SOAT1: variants seen among roughly 807,000 people sequenced by gnomAD.
The protein encoded by SOAT1 is acyl-coenzyme A:cholesterol acyltransferase 1.
In SOAT1, 55 loss-of-function variants were observed where a neutral mutation model predicts 69.5. The ratio of observed to expected loss-of-function variants is 0.79; its 90% confidence interval spans 0.64 to 0.99. The LOEUF is 0.99. Ranked by LOEUF, SOAT1 falls within the 50% of genes least tolerant of loss-of-function variation. The pLI is 0.00. For missense variants in SOAT1, 580 were observed against 669.3 expected, an observed-to-expected ratio of 0.87 and a Z score of 1.47; for synonymous variants, 231 against 224.7, an observed-to-expected ratio of 1.03 and a Z score of -0.25.
chr1:179,347,364 GA>G lies in SOAT1; in HGVS notation c.1118-225del, dbSNP rs57499931. 4.3e-3 allele frequency among the ~76,000 whole-genome samples: 607 copies of G among 140,196 alleles called. 12 individuals carry two copies. Among genetic ancestry groups the G allele is most frequent in the African/African-American group, 0.015 (566 of 37,856 alleles). 92.0% of individuals were successfully genotyped at this position (140,196 alleles called of 152,430 possible). A position where few individuals can be genotyped will look rare whatever the true frequency, so the allele number is the denominator to read the frequency against. On this transcript the variant is annotated intron_variant, in intron 11 of 15. Coordinates refer to ENST00000367619, the MANE Select transcript of SOAT1 (RefSeq NM_003101.6). ...CAGAGCAGGACTCTGTCTCAAAAAA[GA>G]AAAAAAAAAACCAGACTGGGTAATG...
chr1:179,300,391 A>C (rs1664795743), intron 1 of SOAT1, among the ~76,000 whole-genome samples: 1 of 152,172 alleles, frequency 6.6e-6, no homozygotes, highest in Non-Finnish European at 1.5e-5. Context: ...GACCATTGTA[A>C]GTTGGGCATC....
intron 2 of SOAT1, among the ~76,000 whole-genome samples, chr1:179,319,964 A>T (rs10913719): frequency 0.013 from 1,966 of 152,102 alleles, 58 homozygotes; most frequent in African/African-American, 0.044. Context: ...TGTATTCTGG[A>T]TACAAGTCCC....
chr1:179,323,867 C>T (rs1665691009), intron 3 of SOAT1, among the ~76,000 whole-genome samples: 1 of 151,980 alleles, frequency 6.6e-6, no homozygotes. Flanking sequence ...AGTAGATTCC[C>T]TGTCAAGGAA....
rs1434561318 is a variant in SOAT1, at chr1:179,295,295, C to G, written c.-9+1359C>G. 2.0e-5 allele frequency among the ~76,000 whole-genome samples: 3 copies of G among 152,164 alleles called. 1 individual carries two copies. The highest frequency in any genetic ancestry group is 4.4e-5 in the Non-Finnish European group (3 of 68,038). On this transcript the variant is annotated intron_variant, in intron 1 of 15. Coordinates refer to ENST00000367619, the MANE Select transcript of SOAT1 (RefSeq NM_003101.6). ...TCCTCCACCTCTAATGCTGTATTCT[C>G]TCCCTCCCTCCAACTCTTATACCTG...
At chr1:179,344,335 A>C (rs1666444761) in intron 10 of SOAT1, among the ~76,000 whole-genome samples, 1 of 134,548 alleles carries the variant, frequency 7.4e-6, no homozygotes, top group Non-Finnish European at 1.6e-5. Flanking sequence ...TTTATGAAGT[A>C]AGTTCTTTCA....
intron 2 of SOAT1, among the ~76,000 whole-genome samples, chr1:179,323,017 T>C (rs1447641308): frequency 6.6e-6 from 1 of 151,374 alleles, no homozygotes; most frequent in African/African-American, 2.4e-5. Flanking sequence ...CCCCTAGGAT[T>C]CTAGTTTCAT....
chr1:179,347,039 G>A (rs1032226269), intron 11 of SOAT1, among the ~76,000 whole-genome samples: 2 of 152,052 alleles, frequency 1.3e-5, no homozygotes, highest in Non-Finnish European at 1.5e-5. Flanking sequence ...ACTAAGTTAA[G>A]CCATATATTT....
intron 1 of SOAT1, among the ~76,000 whole-genome samples, chr1:179,301,902 C>G (rs1664841928): frequency 6.6e-6 from 1 of 152,088 alleles, no homozygotes; most frequent in South Asian, 2.1e-4. Flanking sequence ...TTCTGTGAAA[C>G]CTTTACATCT....
At chr1:179,351,027 T>C (rs1348691934) in intron 14 of SOAT1, among the ~76,000 whole-genome samples, 3 of 2,330 alleles carry the variant, frequency 1.3e-3, no homozygotes, top group African/African-American at 1.5e-3. Flanking sequence ...CTTTCTTTTT[T>C]TTTTTTTTTT....
chr1:179,326,926 A>G (rs986838586), intron 3 of SOAT1, among the ~76,000 whole-genome samples: 3 of 152,208 alleles, frequency 2.0e-5, no homozygotes, highest in Admixed American at 1.3e-4. Flanking sequence ...AGGATGGCAT[A>G]TAGAGTTTAG....
chr1:179,333,817 G>A (rs1666054939), intron 3 of SOAT1, among the ~76,000 whole-genome samples: 2 of 145,276 alleles, frequency 1.4e-5, no homozygotes, highest in African/African-American at 5.0e-5. Context: ...TGGGCAATAA[G>A]AGTGAAACTC....
chr1:179,309,285 T>A (rs1484726038), intron 2 of SOAT1, among the ~76,000 whole-genome samples: 1 of 152,188 alleles, frequency 6.6e-6, no homozygotes, highest in Non-Finnish European at 1.5e-5. Flanking sequence ...GGTTTCACCA[T>A]GTTGGTCAGG....
At chr1:179,299,743 A>ATTTTT (rs1558034403) in intron 1 of SOAT1, among the ~76,000 whole-genome samples, 17 of 64,734 alleles carry the variant, frequency 2.6e-4, no homozygotes, top group Non-Finnish European at 4.0e-4. Flanking sequence ...TCATTTTGCT[A>ATTTTT]TCTTTTTTTT....
At chr1:179,307,607 CA>C (rs11445535) in intron 2 of SOAT1, among the ~76,000 whole-genome samples, 3 of 150,038 alleles carry the variant, frequency 2.0e-5, no homozygotes, top group Admixed American at 6.7e-5. Context: ...TTGCAGACTT[CA>C]AAAAAAAATA....
chr1:179,313,123 C>T (rs1571414602), intron 2 of SOAT1, among the ~76,000 whole-genome samples: 2 of 152,192 alleles, frequency 1.3e-5, no homozygotes, highest in African/African-American at 4.8e-5. Context: ...TATTTGCCAA[C>T]CAGATTTACA....
At chr1:179,340,840 T>C (rs1444159123) in intron 6 of SOAT1, among the ~76,000 whole-genome samples, 188 bp from the exon 7 acceptor site, 1 of 151,058 alleles carries the variant, frequency 6.6e-6, no homozygotes, top group Non-Finnish European at 1.5e-5. Context: ...TATATATATA[T>C]ATTGTAAAGC....
chr1:179,353,490 T>G, intron 15 of SOAT1, 95 bp from the exon 16 acceptor site: 1 of 1,053,998 alleles, frequency 9.5e-7, no homozygotes, highest in East Asian at 2.4e-5. Flanking sequence ...ATTTTAGAGA[T>G]GTACAATGTA....
At chr1:179,298,024 G>C (rs1664711175) in intron 1 of SOAT1, among the ~76,000 whole-genome samples, 1 of 151,812 alleles carries the variant, frequency 6.6e-6, no homozygotes, top group Non-Finnish European at 1.5e-5. Context: ...AAGATTGATG[G>C]TGTTTAAGGG....
chr1:179,323,129 C>A (rs1243492940), intron 2 of SOAT1, among the ~76,000 whole-genome samples: 1 of 149,724 alleles, frequency 6.7e-6, no homozygotes, highest in Non-Finnish European at 1.5e-5. Flanking sequence ...TTTTACCCAG[C>A]ATCTTAGTGG....
Sources: allele counts gnomAD v4.1 joint callset (sites outside exome capture counted in the v4.1 genomes callset), GRCh38; gene constraint gnomAD v4.1.1; transcripts MANE v1.5; gene names NCBI Gene and HGNC (gene_info 2026-07-23, HGNC 2026-07-21).